ARHGAP39: variants seen among roughly 807,000 people sequenced by gnomAD.
ARHGAP39 encodes Rho GTPase activating protein 39.
ARHGAP39 carries 44 observed loss-of-function variants against 106.9 expected under a neutral mutation model. That is an observed-to-expected ratio of 0.41 (90% CI 0.32 to 0.53). The LOEUF is 0.53. Ranked by LOEUF, ARHGAP39 falls within the 20% of genes least tolerant of loss-of-function variation. The probability of loss-of-function intolerance (pLI) is 0.21; values close to 1 mark genes in which losing one functional copy is unlikely to be tolerated. For missense variants in ARHGAP39, 1,496 were observed against 1,577.3 expected (o/e 0.95, Z 0.87); for synonymous variants, 768 against 693.2 (o/e 1.11, Z -1.69).
chr8:144,672,212 A>G (rs903554352), intron 1 of ARHGAP39, among the ~76,000 whole-genome samples: 1 of 152,238 alleles, frequency 6.6e-6, no homozygotes, highest in African/African-American at 2.4e-5. Context: ...TCAGCCACAC[A>G]TGCAGCAGGC....
intron 4 of ARHGAP39, among the ~76,000 whole-genome samples, chr8:144,549,833 T>G (rs1191140697): frequency 6.6e-6 from 1 of 152,214 alleles, no homozygotes; most frequent in African/African-American, 2.4e-5. Flanking sequence ...TCCCATTGCT[T>G]GGCAGCTCCA....
At chr8:144,575,376 A>G (rs1818733751) in intron 3 of ARHGAP39, among the ~76,000 whole-genome samples, 1 of 152,180 alleles carries the variant, frequency 6.6e-6, no homozygotes. Context: ...CTTTTAGAAC[A>G]CTTTGCTTAA....
At chr8:144,565,469 A>G (rs1239060422) in intron 3 of ARHGAP39, among the ~76,000 whole-genome samples, 1 of 152,202 alleles carries the variant, frequency 6.6e-6, no homozygotes, top group Admixed American at 6.5e-5. Flanking sequence ...CGGGTGGATC[A>G]CTTGAGGTCA....
intron 4 of ARHGAP39, among the ~76,000 whole-genome samples, chr8:144,549,618 G>A (rs777071917): frequency 3.3e-5 from 5 of 151,954 alleles, no homozygotes; most frequent in Non-Finnish European, 5.9e-5. Context: ...TCAGCCTCCC[G>A]AGTAGCTGGG....
intron 2 of ARHGAP39, among the ~76,000 whole-genome samples, chr8:144,600,204 CGTGT>C (rs916592792): frequency 2.9e-5 from 4 of 136,334 alleles, no homozygotes; most frequent in Admixed American, 2.2e-4. Context: ...CCTGCGTGTG[CGTGT>C]GTGTGGGGGG....
Position 144,547,407 on chromosome 8 carries a change from G to A in ARHGAP39, c.1679C>T (p.Ala560Val), listed in dbSNP as rs1439870143. The change falls in exon 5 of 12, where the codon GCC becomes GTC. Residue 560 changes from alanine to valine, a missense_variant. Physicochemically the swap from Ala to Val is moderately conservative, Grantham distance 64 (BLOSUM62 0). Coordinates refer to ENST00000377307, the MANE Select transcript of ARHGAP39 (RefSeq NM_025251.3). This position sits in a 1 kb window ranked among gnomAD's most constrained non-coding sequence, Gnocchi z 5.2. ...GAAGTGGGCCTGCTGCGCCTCCCAG[G>A]CCAGCCGAGCCTGCGCCAGGAAGGG... ...AEPFLAQARL[A>V]WEAQQAHFHM... 14 of 1,589,896 alleles carry A rather than the reference G, an allele frequency of 8.8e-6. No individual in the cohort carries two copies. The highest frequency in any genetic ancestry group is 1.1e-5 in the Non-Finnish European group (13 of 1,175,360).
intron 4 of ARHGAP39, among the ~76,000 whole-genome samples, chr8:144,551,217 G>A (rs1161583898): frequency 6.6e-6 from 1 of 152,114 alleles, no homozygotes; most frequent in Non-Finnish European, 1.5e-5. Context: ...GGGAGGATGG[G>A]GGGCTGGCAG....
Position 144,547,813 on chromosome 8 carries a change from C to T in ARHGAP39, c.1273G>A (p.Gly425Ser), listed in dbSNP as rs527610981. ...RHKYAPNPGG[G>S]SYSLQPSPCL... ...GGGCTGGGCTGCAAGGAGTACGAAC[C>T]ACCGCCGGGGTTGGGCGCGTACTTG... The change falls in exon 5 of 12, where the codon GGT (glycine) becomes AGT (serine). Residue 425 changes from glycine to serine, a missense_variant. Physicochemically the swap from Gly to Ser is moderately conservative, Grantham distance 56. Around this residue, in one of 4 missense-constraint regions of ARHGAP39, gnomAD observed 905 missense variants for 816.4 expected, o/e 1.11. Coordinates refer to ENST00000377307, the MANE Select transcript of ARHGAP39 (RefSeq NM_025251.3). The surrounding 1 kb of genome is among the most constrained non-coding windows in gnomAD (Gnocchi z 5.2). The T allele has an allele frequency of 6.3e-6, 10 of 1,592,204 alleles. No individual in the cohort carries two copies. In the East Asian group the frequency reaches 1.8e-4, roughly 29 times the overall value.
In ARHGAP39 at chr8:144,605,619, G is replaced by C. The variant is rs1820260955; in HGVS notation, c.-5C>G. 5 of 1,612,910 alleles carry C rather than the reference G, an allele frequency of 3.1e-6. No homozygotes were observed. The highest frequency in any genetic ancestry group is 4.2e-6 in the Non-Finnish European group (5 of 1,179,998). On this transcript the variant is annotated 5_prime_UTR_variant, in exon 2 of 12. Coordinates refer to ENST00000377307, the MANE Select transcript of ARHGAP39 (RefSeq NM_025251.3). Reference sequence around the variant, plus strand: ...GTAGTCCTGCGTCTGGGACATCGCTGTTTGCTTCCGCGCCCACGTGGACAG... The same window carrying C: ...GTAGTCCTGCGTCTGGGACATCGCTCTTTGCTTCCGCGCCCACGTGGACAG...
chr8:144,609,553 CACT>C (rs1288600306), intron 1 of ARHGAP39, among the ~76,000 whole-genome samples: 1 of 151,984 alleles, frequency 6.6e-6, no homozygotes, highest in Non-Finnish European at 1.5e-5. Context: ...AGGCACCCAC[CACT>C]ATGCCCAGCT....
chr8:144,631,998 T>A (rs1460340105), intron 1 of ARHGAP39, among the ~76,000 whole-genome samples: 1 of 152,140 alleles, frequency 6.6e-6, no homozygotes, highest in African/African-American at 2.4e-5. Context: ...GTGAAGCCAG[T>A]GCAACGTGCA....
chr8:144,598,428 C>T (rs1169574252), intron 2 of ARHGAP39, among the ~76,000 whole-genome samples: 3 of 152,154 alleles, frequency 2.0e-5, no homozygotes, highest in East Asian at 1.9e-4. Flanking sequence ...AAGAGACTCT[C>T]GATGAGTCAG....
At chr8:144,545,916 C>G in intron 5 of ARHGAP39, 106 bp from the exon 6 acceptor site, 1 of 1,002,462 alleles carries the variant, frequency 1.0e-6, no homozygotes, top group Non-Finnish European at 1.4e-6. Flanking sequence ...CCCACCAGAG[C>G]CAGCCAGGTG....
chr8:144,577,260 C>T (rs770332605), intron 3 of ARHGAP39, among the ~76,000 whole-genome samples: 5 of 152,106 alleles, frequency 3.3e-5, no homozygotes, highest in East Asian at 1.9e-4. Flanking sequence ...CTGTGACAAC[C>T]GGAATACACG....
chr8:144,603,242 CGT>C (rs764878752), intron 2 of ARHGAP39, among the ~76,000 whole-genome samples: 40 of 103,748 alleles, frequency 3.9e-4, no homozygotes, highest in Middle Eastern at 7.2e-3. Context: ...TGGAGGCGTG[CGT>C]GTGTGCTCGT....
Position 144,679,198 on chromosome 8 carries a change from C to T in ARHGAP39, c.-82+6488G>A, listed in dbSNP as rs910133281. On this transcript the variant is annotated intron_variant, in intron 1 of 11. Coordinates refer to ENST00000377307, the MANE Select transcript of ARHGAP39 (RefSeq NM_025251.3). The surrounding 1 kb of genome is among the most constrained non-coding windows in gnomAD (Gnocchi z 4.7). ...GGCTGAGGGGAGACATCCAGCTGCA[C>T]CTTCAGTCATGGTGAGATGGCCCAG... Among the ~76,000 whole-genome samples, 1 of 152,208 alleles carries T rather than the reference C, an allele frequency of 6.6e-6. No individual in the cohort carries two copies. The highest frequency in any genetic ancestry group is 2.4e-5 in the African/African-American group (1 of 41,452).
intron 3 of ARHGAP39, among the ~76,000 whole-genome samples, chr8:144,569,907 CAG>C (rs1263444401): frequency 6.6e-6 from 1 of 152,068 alleles, no homozygotes; most frequent in Non-Finnish European, 1.5e-5. Context: ...AAAATGAGGA[CAG>C]AGAGAGCAAC....
intron 3 of ARHGAP39, among the ~76,000 whole-genome samples, chr8:144,580,217 C>T (rs1159705794): frequency 1.3e-5 from 2 of 152,072 alleles, no homozygotes; most frequent in Non-Finnish European, 2.9e-5. Flanking sequence ...CTCCAGAGGA[C>T]CACCTCCAAG....
chr8:144,682,206 C>T lies in ARHGAP39; in HGVS notation c.-82+3480G>A, dbSNP rs1822440966. 2.2e-5 allele frequency among the ~76,000 whole-genome samples: 3 copies of T among 133,996 alleles called. No homozygotes were observed. The Admixed American group carries it at 2.4e-4, about 11-fold the overall frequency. 87.9% of individuals were successfully genotyped at this position (133,996 alleles called of 152,430 possible). A position where few individuals can be genotyped will look rare whatever the true frequency, so the allele number is the denominator to read the frequency against. ...CTTACAGCAAGCCGAGATCTCGCCA[C>T]TGCACTGCAGCCTGGGTGACAGAGC... On this transcript the variant is annotated intron_variant, in intron 1 of 11. Coordinates refer to ENST00000377307, the MANE Select transcript of ARHGAP39 (RefSeq NM_025251.3).
Sources: allele counts gnomAD v4.1 joint callset (sites outside exome capture counted in the v4.1 genomes callset), GRCh38; gene constraint gnomAD v4.1.1; regional missense constraint gnomAD v4.1.1; non-coding constraint Gnocchi (gnomAD v3.1); transcripts MANE v1.5; gene names NCBI Gene and HGNC (gene_info 2026-07-23, HGNC 2026-07-21).